The following PCDH11X variants were observed in gnomAD, a reference collection of about 807,000 sequenced individuals.
PCDH11X encodes protocadherin-11 X-linked.
In PCDH11X, 18 loss-of-function variants were observed where a neutral mutation model predicts 53.3. The ratio of observed to expected loss-of-function variants is 0.34; its 90% CI spans 0.23 to 0.50. The LOEUF (loss-of-function observed/expected upper bound fraction) is 0.50. Ranked by LOEUF, PCDH11X falls within the 20% of genes least tolerant of loss-of-function variation. The pLI is 0.98. For synonymous variants in PCDH11X, 279 were observed against 393.3 expected (o/e 0.71, Z 3.44); for missense variants, 570 against 1,032.4 (o/e 0.55, Z 6.14).
At chrX:92,595,176 C>G (rs1802520915) in intron 10 of PCDH11X, among the ~76,000 whole-genome samples, 1 of 109,140 alleles carries the variant, frequency 9.2e-6, no homozygotes, top group Admixed American at 9.9e-5. Flanking sequence ...ATAAAAGTCC[C>G]TTGGGAAAAC....
chrX:92,246,159 A>G (rs1370993515), intron 7 of PCDH11X, among the ~76,000 whole-genome samples: 2 of 111,304 alleles, frequency 1.8e-5, no homozygotes, highest in Non-Finnish European at 3.8e-5. Context: ...AGTACTACAG[A>G]GGTTACATAA....
At chrX:92,449,996 A>G (rs1220565571) in intron 9 of PCDH11X, among the ~76,000 whole-genome samples, 3 of 111,429 alleles carry the variant, frequency 2.7e-5, no homozygotes, top group Non-Finnish European at 3.8e-5. Context: ...TCAATATTGC[A>G]TATATTGAAT....
rs58574424 is a variant in PCDH11X, at chrX:92,575,905, G to GTATA, written c.3368-42322_3368-42319dup. On this transcript the variant is annotated intron_variant, in intron 10 of 10. Transcript: ENST00000682573. ...CGGAATTTTGTAGGTTACCTGGTGT[G>GTATA]TATATATATATATATATATATATAT... 4.6e-3 allele frequency among the ~76,000 whole-genome samples: 119 copies of GTATA among 25,787 alleles called. 1 individual carries two copies. The highest frequency in any genetic ancestry group is 0.021 in the Admixed American group (29 of 1,391). The allele number at this position is 25,787 out of a possible 115,157, so 22.4% of individuals were successfully genotyped here.
chrX:91,800,957 G>C (rs1935913833), intron 1 of PCDH11X, among the ~76,000 whole-genome samples: 1 of 107,936 alleles, frequency 9.3e-6, no homozygotes, highest in Non-Finnish European at 1.9e-5. Context: ...GTGGGGCAGA[G>C]AGCTTGAGCC....
At chrX:91,983,089 G>T in intron 6 of PCDH11X, 1 of 1,116,409 alleles carries the variant, frequency 9.0e-7, no homozygotes, top group East Asian at 3.0e-5. Context: ...AGAGCAGCCC[G>T]GATGGAAGGC....
intron 6 of PCDH11X, among the ~76,000 whole-genome samples, chrX:91,966,614 G>T (rs1364339197): frequency 9.1e-6 from 1 of 109,839 alleles, no homozygotes; most frequent in Admixed American, 9.8e-5. Flanking sequence ...CCTGCACGTT[G>T]TGCACATGTA....
chrX:92,575,643 A>T, intron 10 of PCDH11X, among the ~76,000 whole-genome samples: 1 of 107,785 alleles, frequency 9.3e-6, no homozygotes, highest in Non-Finnish European at 1.9e-5. Context: ...GTATAACTAT[A>T]GATTAAATTC....
intron 4 of PCDH11X, among the ~76,000 whole-genome samples, chrX:91,823,285 C>T (rs1351942062): frequency 1.8e-5 from 2 of 110,702 alleles, no homozygotes; most frequent in East Asian, 2.8e-4. Flanking sequence ...GTTAAAGTCT[C>T]CCATTATTAA....
chrX:91,983,547 T>C (rs757690107), intron 6 of PCDH11X: 10 of 478,058 alleles, frequency 2.1e-5, no homozygotes, highest in Admixed American at 1.1e-4. Flanking sequence ...GAGGCGGCTA[T>C]GGCCGGGGCT....
chrX:92,464,995 C>G (rs753243223), intron 9 of PCDH11X, among the ~76,000 whole-genome samples: 1 of 110,707 alleles, frequency 9.0e-6, no homozygotes, highest in Non-Finnish European at 1.9e-5. Context: ...GCCTGTATCA[C>G]GGTTGCATAT....
chrX:92,469,745 T>C (rs774601597), intron 10 of PCDH11X, among the ~76,000 whole-genome samples: 1 of 111,528 alleles, frequency 9.0e-6, no homozygotes, highest in Admixed American at 9.6e-5. Flanking sequence ...GGTTTTCTAT[T>C]CTGTTCCGTT....
chrX:92,429,705 C>A (rs2072207064), intron 9 of PCDH11X, among the ~76,000 whole-genome samples: 1 of 105,134 alleles, frequency 9.5e-6, no homozygotes, highest in African/African-American at 3.4e-5. Flanking sequence ...CCTTACTACC[C>A]TGATTCTCTG....
intron 8 of PCDH11X, among the ~76,000 whole-genome samples, chrX:92,325,723 T>A (rs918143692): frequency 1.4e-4 from 16 of 111,241 alleles, no homozygotes; most frequent in Non-Finnish European, 9.4e-5. Context: ...CAGACAAAGC[T>A]TTTCTCTGCC....
At position 92,042,264 on chromosome X, in the gene PCDH11X, C is replaced by T. The variant is rs1368881897; in HGVS notation, c.3034-159111C>T. 6.4e-5 allele frequency among the ~76,000 whole-genome samples: 7 copies of T among 109,519 alleles called. No homozygotes were observed. In the South Asian group the frequency reaches 1.6e-3, roughly 24 times the overall value. ...TCATGAAAGATAATGTCACATTCTT[C>T]GGTGAACAATCAGAAATCCTTGTCT... On this transcript the variant is annotated intron_variant, in intron 6 of 10. Transcript: ENST00000682573.
At chrX:92,609,607 T>C (rs1441814116) in intron 10 of PCDH11X, among the ~76,000 whole-genome samples, 1 of 111,571 alleles carries the variant, frequency 9.0e-6, no homozygotes, top group Non-Finnish European at 1.9e-5. Context: ...TTCTTATTGT[T>C]ATTTTTTAGT....
At chrX:92,372,762 C>A (rs1055014822) in intron 8 of PCDH11X, among the ~76,000 whole-genome samples, 2 of 109,195 alleles carry the variant, frequency 1.8e-5, no homozygotes, top group Non-Finnish European at 3.8e-5. Flanking sequence ...GTTTGAAAAC[C>A]ACTAATTTTA....
chrX:91,797,046 A>T (rs2147531335), intron 1 of PCDH11X, among the ~76,000 whole-genome samples: 1 of 111,811 alleles, frequency 8.9e-6, no homozygotes, highest in Non-Finnish European at 1.9e-5. Context: ...AATGTTTCAT[A>T]TTATATCCAT....
chrX:91,853,132 ATATGT>A (rs1938126512), intron 5 of PCDH11X, among the ~76,000 whole-genome samples: 1 of 108,782 alleles, frequency 9.2e-6, no homozygotes, highest in Non-Finnish European at 1.9e-5. Context: ...CAAATTCATA[ATATGT>A]TATAATTTAT....
At chrX:92,431,332 AT>A (rs2072245666) in intron 9 of PCDH11X, among the ~76,000 whole-genome samples, 1 of 110,243 alleles carries the variant, frequency 9.1e-6, no homozygotes, top group South Asian at 3.8e-4. Context: ...GAAAAGGGGT[AT>A]TTTTTTCCCT....
Sources: allele counts gnomAD v4.1 joint callset (sites outside exome capture counted in the v4.1 genomes callset), GRCh38; gene constraint gnomAD v4.1.1; transcripts MANE v1.5; gene names NCBI Gene and HGNC (gene_info 2026-07-23, HGNC 2026-07-21).